TRAF1: variants seen among roughly 807,000 people sequenced by gnomAD.
TRAF1 encodes the protein TNF receptor-associated factor 1.
A neutral mutation model predicts 40.9 loss-of-function variants in TRAF1; 23 were observed. The ratio of observed to expected loss-of-function variants is 0.56; its 90% CI spans 0.40 to 0.80. TRAF1 has a LOEUF of 0.80. TRAF1 is among the 30% of genes least tolerant of loss of function. The probability of loss-of-function intolerance (pLI) is 0.00; values close to 1 mark genes in which losing one functional copy is unlikely to be tolerated. For missense variants in TRAF1, 477 were observed against 528.7 expected, an observed-to-expected ratio of 0.90 and a Z score of 0.96; for synonymous variants, 206 against 218.8, an observed-to-expected ratio of 0.94 and a Z score of 0.52.
chr9:120,910,475 A>G (rs562591002), intron 6 of TRAF1, among the ~76,000 whole-genome samples: 1 of 152,258 alleles, frequency 6.6e-6, no homozygotes, highest in African/African-American at 2.4e-5. Context: ...ATCATAGCTC[A>G]CTGCAGACTC....
rs1021910430 is a variant in TRAF1 at position 120,909,194 on chromosome 9, C to T, written c.1032+36G>A. 4 of 1,603,718 alleles carry T rather than the reference C, an allele frequency of 2.5e-6. No individual in the cohort carries two copies. In the African/African-American group the frequency reaches 4.0e-5, roughly 16 times the overall value. On this transcript the variant is annotated intron_variant, in intron 7 of 7. Coordinates refer to ENST00000373887, the MANE Select transcript of TRAF1 (RefSeq NM_005658.5). The stretch of plus-strand genomic sequence containing the variant: ...CAGGACTAGGACTCAGGCTTCCATG[C>T]TCCCCACCTTACCCCCATCACCTTC...
intron 2 of TRAF1, among the ~76,000 whole-genome samples, chr9:120,924,722 G>A (rs1198955867): frequency 6.6e-6 from 1 of 152,192 alleles, no homozygotes; most frequent in African/African-American, 2.4e-5. Flanking sequence ...GCCAGCAACT[G>A]TGTTTTTACA....
Position 120,919,159 on chromosome 9 carries a change from G to C in TRAF1, c.228+4546C>G, listed in dbSNP as rs114544853. ...GGAGAAGAACAGAGGATCTGTCCTG[G>C]GCCAACCCTGTCTGGTGTCACAAGT... is the stretch of plus-strand genomic sequence containing the variant. On this transcript the variant is annotated intron_variant, in intron 3 of 7. Transcript: ENST00000373887. 7.7e-3 allele frequency among the ~76,000 whole-genome samples: 1,178 copies of C among 152,312 alleles called. 21 individuals are homozygous for C. Among genetic ancestry groups the C allele is most frequent in the African/African-American group, 0.027 (1,114 of 41,556 alleles).
In TRAF1 at chr9:120,926,559, G is replaced by A. The variant is rs2046642604; in HGVS notation, c.-236C>T. ...CAGTGGGGGTGCTCACCTTCCTGGT[G>A]GAAATCCCCAGGGTGTTGGAGACAG... On this transcript the variant is annotated 5_prime_UTR_variant, in exon 1 of 8. Transcript: ENST00000373887. 6.5e-6 allele frequency: 1 copy of A among 152,810 alleles called. No homozygotes were observed. The highest frequency in any genetic ancestry group is 2.0e-4 in the South Asian group (1 of 4,888). The allele number at this position is 152,810 out of a possible 1,614,324, so 9.5% of individuals were successfully genotyped here.
At chr9:120,916,529 G>A (rs569639585) in intron 3 of TRAF1, among the ~76,000 whole-genome samples, 2 of 152,170 alleles carry the variant, frequency 1.3e-5, no homozygotes, top group South Asian at 2.1e-4. Context: ...GGATTTGGAC[G>A]AAAGCAGGAG....
At position 120,904,562 on chromosome 9, in the gene TRAF1, C is replaced by G. The variant is rs1370100599; in HGVS notation, c.*458G>C. 1 of 175,572 alleles carries G rather than the reference C, an allele frequency of 5.7e-6. No homozygotes were observed. Among genetic ancestry groups the G allele is most frequent in the African/African-American group, 2.4e-5 (1 of 41,962 alleles). The allele number at this position is 175,572 out of a possible 1,614,324, so 10.9% of individuals were successfully genotyped here. ...ACAGACTGCATTCAAACTGGCACCC[C>G]ATCCCTTCCACCCGGTCCTGTTTCT... On this transcript the variant is annotated 3_prime_UTR_variant, in exon 8 of 8. Transcript: ENST00000373887.
chr9:120,913,230 G>A (rs1035849689), intron 5 of TRAF1, 98 bp downstream of exon 5: 4 of 1,408,990 alleles, frequency 2.8e-6, no homozygotes, highest in African/African-American at 1.4e-5. Context: ...AGTGACTGCT[G>A]TAAGCAGGAT....
chr9:120,917,143 A>G (rs1019131489), intron 3 of TRAF1, among the ~76,000 whole-genome samples: 6 of 152,174 alleles, frequency 3.9e-5, no homozygotes, highest in South Asian at 2.1e-4. Context: ...AGGGAGTGAA[A>G]TGCTATTCAG....
rs1405428850 is a variant in TRAF1, at chr9:120,913,533, G to A, written c.500C>T (p.Ala167Val). Residue 167 changes from alanine to valine, a missense_variant, in exon 5 of 8, where the codon GCA becomes GTA. Physicochemically the swap from Ala to Val is moderately conservative, Grantham distance 64. Coordinates refer to ENST00000373887, the MANE Select transcript of TRAF1 (RefSeq NM_005658.5). ...AGDLEVDCYR[A>V]PCSESQEELA... is the part of the protein sequence containing the mutation. ...CTCCTCCTGGCTCTCGGAGCAGGGTGCCCGGTAGCAATCGACCTCCAGGTC... is the reference window on the plus strand; with the variant it reads ...CTCCTCCTGGCTCTCGGAGCAGGGTACCCGGTAGCAATCGACCTCCAGGTC... The A allele has an allele frequency of 1.2e-6, 2 of 1,613,686 alleles. No individual in the cohort carries two copies. Among genetic ancestry groups the A allele is most frequent in the Non-Finnish European group, 1.7e-6 (2 of 1,179,964 alleles).
In TRAF1 at chr9:120,923,758, C is replaced by T. The variant is rs780464321; in HGVS notation, c.175G>A (p.Gly59Arg). The T allele has an allele frequency of 6.2e-7, 1 of 1,614,164 alleles. No homozygotes were observed. Residue 59 changes from glycine (G) to arginine (R), a missense_variant, in exon 3 of 8, where the codon GGG (glycine) becomes AGG (arginine). By Grantham distance (125) the Gly-to-Arg change is moderately radical (BLOSUM62 -2). Transcript: ENST00000373887. ...GEDQICPKCR[G>R]EDLQSISPGS... is the part of the protein sequence containing the mutation. ...GGGCTTATAGACTGGAGGTCTTCCC[C>T]TCTGCATTTGGGGCAGATCTGATCC...
chr9:120,925,224 A>G (rs1372430434), intron 2 of TRAF1, among the ~76,000 whole-genome samples: 1 of 152,210 alleles, frequency 6.6e-6, no homozygotes, highest in East Asian at 1.9e-4. Flanking sequence ...AAGCTGACCT[A>G]ATCTGTTAGG....
intron 3 of TRAF1, among the ~76,000 whole-genome samples, chr9:120,922,077 G>A (rs1473829054): frequency 6.6e-6 from 1 of 152,214 alleles, no homozygotes; most frequent in Non-Finnish European, 1.5e-5. Flanking sequence ...GCCACAGTTT[G>A]CTGCAAGAAG....
intron 5 of TRAF1, among the ~76,000 whole-genome samples, chr9:120,912,843 C>T (rs2046538543): frequency 6.6e-6 from 1 of 152,144 alleles, no homozygotes; most frequent in Admixed American, 6.5e-5. Context: ...AAGCAGCATG[C>T]TCTGAGGAAG....
At chr9:120,910,935 C>T (rs1211361527) in intron 6 of TRAF1, among the ~76,000 whole-genome samples, 2 of 152,210 alleles carry the variant, frequency 1.3e-5, no homozygotes, top group Non-Finnish European at 2.9e-5. Flanking sequence ...TCTCTGAGGC[C>T]ACGGTGTTCA....
intron 6 of TRAF1, among the ~76,000 whole-genome samples, 167 bp downstream of exon 6, chr9:120,911,169 T>G (rs955228234): frequency 6.6e-6 from 1 of 152,212 alleles, no homozygotes; most frequent in Admixed American, 6.5e-5. Flanking sequence ...CCCACCAACC[T>G]GAAGATCCCA....
At chr9:120,921,463 A>G (rs2046604965) in intron 3 of TRAF1, among the ~76,000 whole-genome samples, 1 of 152,188 alleles carries the variant, frequency 6.6e-6, no homozygotes, top group Admixed American at 6.5e-5. Flanking sequence ...ATAAATGTGT[A>G]TTAATTTTGT....
rs909855089 is a variant in TRAF1, at chr9:120,908,065, TTTATTA to T, written c.1032+1159_1032+1164del. Among the ~76,000 whole-genome samples the T allele has an allele frequency of 3.4e-4, 51 of 151,554 alleles. 2 individuals are homozygous for T. Among genetic ancestry groups the T allele is most frequent in the East Asian group, 3.3e-3 (17 of 5,178 alleles). On this transcript the variant is annotated intron_variant, in intron 7 of 7. Transcript: ENST00000373887. Reference sequence around the variant, plus strand: ...GTGCCACCACGCCCAGCTGATGGTTTTTATTATTATTATTATTTTATTATTATTATT... The same window carrying T: ...GTGCCACCACGCCCAGCTGATGGTTTTTATTATTATTTTATTATTATTATT...
At chr9:120,921,229 C>T (rs1034415484) in intron 3 of TRAF1, among the ~76,000 whole-genome samples, 9 of 152,116 alleles carry the variant, frequency 5.9e-5, no homozygotes, top group Non-Finnish European at 1.0e-4. Context: ...AGTGCCTTCA[C>T]TTGGCTTAAG....
chr9:120,906,136 G>A (rs1464522988), intron 7 of TRAF1, among the ~76,000 whole-genome samples: 2 of 149,144 alleles, frequency 1.3e-5, no homozygotes, highest in Non-Finnish European at 1.5e-5. Flanking sequence ...CACAGGAAAT[G>A]CCTATCCCCC....
Sources: gnomAD v4.1 joint callset for allele counts (sites outside exome capture counted in the v4.1 genomes callset) on GRCh38, gnomAD v4.1.1 for gene constraint, MANE v1.5 for transcripts, NCBI Gene and HGNC (gene_info 2026-07-23, HGNC 2026-07-21) for gene names.